Variants in PCDH9 observed in about 807,000 individuals in gnomAD.
PCDH9 encodes the protein protocadherin-9.
A neutral mutation model predicts 70.6 loss-of-function variants in PCDH9; 24 were observed. The observed-to-expected ratio is 0.34, with a 90% CI of 0.25 to 0.48. The LOEUF (loss-of-function observed/expected upper bound fraction) is 0.48, where lower values mean the gene tolerates loss of function less well. Ranked by LOEUF, PCDH9 falls within the 20% of genes least tolerant of loss-of-function variation. PCDH9 has a pLI of 0.99. For synonymous variants in PCDH9, 562 were observed against 558.5 expected (o/e 1.01, Z -0.09); for missense variants, 1,281 against 1,503.6 (o/e 0.85, Z 2.45).
At chr13:66,467,408 G>T (rs190126233) in intron 4 of PCDH9, among the ~76,000 whole-genome samples, 182 of 152,070 alleles carry the variant, frequency 1.2e-3, no homozygotes, top group Non-Finnish European at 1.5e-3. Context: ...CTACTCACTA[G>T]AAATTGTCTA....
At chr13:66,982,222 G>A (rs974463081) in intron 2 of PCDH9, among the ~76,000 whole-genome samples, 1 of 152,178 alleles carries the variant, frequency 6.6e-6, no homozygotes, top group African/African-American at 2.4e-5. Flanking sequence ...TAGAAACCGA[G>A]CGATGTCAGC....
intron 2 of PCDH9, among the ~76,000 whole-genome samples, chr13:67,003,831 G>A (rs1007455156): frequency 6.6e-6 from 1 of 152,142 alleles, no homozygotes; most frequent in African/African-American, 2.4e-5. Flanking sequence ...ATTAGAGATA[G>A]CACAGGAAGA....
At chr13:67,140,998 T>C (rs2087371691) in intron 2 of PCDH9, among the ~76,000 whole-genome samples, 1 of 152,144 alleles carries the variant, frequency 6.6e-6, no homozygotes, top group Admixed American at 6.6e-5. Context: ...ATTGTATGTA[T>C]TATTGGAAGC....
chr13:66,874,350 A>G (rs2081757688), intron 3 of PCDH9, among the ~76,000 whole-genome samples: 1 of 152,152 alleles, frequency 6.6e-6, no homozygotes, highest in Non-Finnish European at 1.5e-5. Flanking sequence ...CTCATATTGA[A>G]CATCACATGT....
intron 4 of PCDH9, among the ~76,000 whole-genome samples, chr13:66,627,256 G>A (rs1230892840): frequency 2.6e-5 from 4 of 151,810 alleles, no homozygotes; most frequent in Non-Finnish European, 4.4e-5. Context: ...ACAACTCTTC[G>A]GGAACTATCA....
chr13:66,868,329 A>T (rs758389180), intron 3 of PCDH9, among the ~76,000 whole-genome samples: 2 of 152,000 alleles, frequency 1.3e-5, no homozygotes, highest in Non-Finnish European at 2.9e-5. Context: ...TTTTGATAAC[A>T]TTGACTAACT....
In PCDH9 at chr13:66,817,795, C is replaced by G. The variant is rs548460756; in HGVS notation, c.3138+85709G>C. 6.6e-5 allele frequency among the ~76,000 whole-genome samples: 10 copies of G among 152,044 alleles called. 1 individual carries two copies. In the South Asian group the frequency reaches 2.1e-3, roughly 32 times the overall value. On this transcript the variant is annotated intron_variant, in intron 3 of 4. Transcript: ENST00000377865. ...GCAACACAGGTGCATGCCACCACCC[C>G]CAAGTAATTTTTTGTAGAGACAGGG...
chr13:67,040,448 G>C (rs1406587088), intron 2 of PCDH9, among the ~76,000 whole-genome samples: 1 of 152,068 alleles, frequency 6.6e-6, no homozygotes, highest in East Asian at 1.9e-4. Context: ...AGTCTCTAGA[G>C]AAAAATAAGA....
intron 2 of PCDH9, among the ~76,000 whole-genome samples, chr13:67,085,269 T>C (rs937822654): frequency 6.6e-6 from 1 of 151,498 alleles, no homozygotes; most frequent in Non-Finnish European, 1.5e-5. Context: ...CCCTGGGGAA[T>C]CCTAAGGATT....
chr13:66,477,073 C>G (rs112625431), intron 4 of PCDH9, among the ~76,000 whole-genome samples: 27 of 152,018 alleles, frequency 1.8e-4, no homozygotes, highest in African/African-American at 5.5e-4. Context: ...ATTTTAGTTA[C>G]TAGGAGGAAT....
intron 2 of PCDH9, among the ~76,000 whole-genome samples, chr13:67,176,524 CAA>C (rs71691968): frequency 6.6e-6 from 1 of 150,612 alleles, no homozygotes; most frequent in Non-Finnish European, 1.5e-5. Flanking sequence ...TAAAAATAAA[CAA>C]AAAAAAAACA....
At chr13:66,586,011 T>G (rs1222777399) in intron 4 of PCDH9, among the ~76,000 whole-genome samples, 1 of 152,170 alleles carries the variant, frequency 6.6e-6, no homozygotes, top group Non-Finnish European at 1.5e-5. Context: ...GCTTGCTCCA[T>G]TTCAACCCAC....
chr13:66,355,876 G>A (rs979762933), intron 4 of PCDH9, among the ~76,000 whole-genome samples: 5 of 152,140 alleles, frequency 3.3e-5, no homozygotes, highest in African/African-American at 1.2e-4. Flanking sequence ...CTTCTGGACT[G>A]TTTCTCAGGA....
chr13:67,076,480 C>A (rs2085880036), intron 2 of PCDH9, among the ~76,000 whole-genome samples: 1 of 152,056 alleles, frequency 6.6e-6, no homozygotes, highest in Non-Finnish European at 1.5e-5. Context: ...GTTTAAATCA[C>A]AAGATTTGCA....
At chr13:66,398,643 T>C (rs567767657) in intron 4 of PCDH9, among the ~76,000 whole-genome samples, 7 of 152,180 alleles carry the variant, frequency 4.6e-5, no homozygotes, top group Non-Finnish European at 1.0e-4. Flanking sequence ...AAAACTAGCA[T>C]TTTAGTACCT....
At chr13:67,151,193 T>TA (rs75823309) in intron 2 of PCDH9, among the ~76,000 whole-genome samples, 6,612 of 152,116 alleles carry the variant, frequency 0.043, 229 homozygotes, top group African/African-American at 0.089. Context: ...GCTCCTTTTT[T>TA]AAAAAAAAAT....
At chr13:66,370,344 G>C (rs1235198974) in intron 4 of PCDH9, among the ~76,000 whole-genome samples, 1 of 151,684 alleles carries the variant, frequency 6.6e-6, no homozygotes, top group Non-Finnish European at 1.5e-5. Context: ...TTACATAGAT[G>C]GACCTCCCTG....
chr13:66,662,919 T>A (rs2078034720), intron 3 of PCDH9, among the ~76,000 whole-genome samples: 1 of 152,234 alleles, frequency 6.6e-6, no homozygotes, highest in Admixed American at 6.5e-5. Context: ...GCGGGCTGTA[T>A]CATTTTCTAT....
At chr13:66,433,665 AAAGTT>A (rs1210018301) in intron 4 of PCDH9, among the ~76,000 whole-genome samples, 1 of 151,754 alleles carries the variant, frequency 6.6e-6, no homozygotes, top group Non-Finnish European at 1.5e-5. Flanking sequence ...CTTATTACCT[AAAGTT>A]AAGTATCCCA....
Sources: allele counts gnomAD v4.1 joint callset (sites outside exome capture counted in the v4.1 genomes callset), GRCh38; gene constraint gnomAD v4.1.1; transcripts MANE v1.5; gene names NCBI Gene and HGNC (gene_info 2026-07-23, HGNC 2026-07-21).